The following DISP1 variants were observed in gnomAD, a reference collection of about 807,000 sequenced individuals.
DISP1 encodes protein dispatched homolog 1.
A neutral mutation model predicts 37.3 loss-of-function variants in DISP1; 30 were observed. The observed-to-expected ratio is 0.80, with a 90% CI of 0.60 to 1.09. The LOEUF (loss-of-function observed/expected upper bound fraction) is 1.09. Among genes scored for constraint, DISP1 ranks in the 50% least tolerant of loss-of-function variants. The probability of loss-of-function intolerance (pLI) is 0.00; values close to 1 mark genes in which losing one functional copy is unlikely to be tolerated. For synonymous variants in DISP1, 634 were observed against 690.2 expected, an observed-to-expected ratio of 0.92 and a Z score of 1.28; for missense variants, 1,598 against 1,879.5, an observed-to-expected ratio of 0.85 and a Z score of 2.77.
chr1:222,836,887 A>G, intron 1 of DISP1: 1 of 389,748 alleles, frequency 2.6e-6, no homozygotes, highest in Non-Finnish European at 4.5e-6. Context: ...GCCTTAGGTA[A>G]ATAACTCTGA....
At chr1:222,860,332 G>C (rs994688767) in intron 1 of DISP1, among the ~76,000 whole-genome samples, 1 of 152,138 alleles carries the variant, frequency 6.6e-6, no homozygotes, top group African/African-American at 2.4e-5. Flanking sequence ...GGGATTACAG[G>C]CATGAGCCAC....
At chr1:222,820,849 A>G (rs1160734845) in intron 1 of DISP1, among the ~76,000 whole-genome samples, 2 of 152,234 alleles carry the variant, frequency 1.3e-5, no homozygotes, top group African/African-American at 4.8e-5. Flanking sequence ...TTACTGTATC[A>G]TGCAGGCTGG....
chr1:222,884,630 A>G (rs1670473960), intron 1 of DISP1, among the ~76,000 whole-genome samples: 1 of 152,214 alleles, frequency 6.6e-6, no homozygotes, highest in Non-Finnish European at 1.5e-5. Context: ...GTCTTAATGC[A>G]TCATATCAGG....
intron 1 of DISP1, among the ~76,000 whole-genome samples, chr1:222,899,581 GA>G (rs956705255): frequency 1.4e-4 from 22 of 151,894 alleles, no homozygotes; most frequent in African/African-American, 5.3e-4. Flanking sequence ...AGAGCAAGAG[GA>G]AATTTTTTTT....
At chr1:222,903,166 C>T (rs79043913) in intron 1 of DISP1, among the ~76,000 whole-genome samples, 2,443 of 151,314 alleles carry the variant, frequency 0.016, 25 homozygotes, top group Non-Finnish European at 0.025. Context: ...ATGGATGAAA[C>T]TGGAAATCAT....
Position 222,942,999 on chromosome 1 carries a change from A to G in DISP1, c.176A>G (p.Asn59Ser). ...KVSPNGCLQLNGTVKSSFLPL... is the reference protein window; with the variant it reads ...KVSPNGCLQLSGTVKSSFLPL... Reference sequence around the variant, plus strand: ...AGTCCAAATGGATGCCTGCAACTTAATGGCACGGTCAAATCATCCTTTCTG... The same window carrying G: ...AGTCCAAATGGATGCCTGCAACTTAGTGGCACGGTCAAATCATCCTTTCTG... Residue 59 changes from asparagine to serine, a missense_variant, in exon 3 of 9, where the codon AAT becomes AGT. Physicochemically the swap from Asn to Ser is conservative, Grantham distance 46. Transcript: ENST00000675850. 6.2e-7 allele frequency: 1 copy of G among 1,614,188 alleles called. No homozygotes were observed. Among genetic ancestry groups the G allele is most frequent in the Non-Finnish European group, 8.5e-7 (1 of 1,180,036 alleles).
chr1:222,910,091 C>T (rs758854012), intron 1 of DISP1, among the ~76,000 whole-genome samples: 1 of 152,096 alleles, frequency 6.6e-6, no homozygotes, highest in Non-Finnish European at 1.5e-5. Context: ...GAGGCTGGCG[C>T]GGTGGCTCAC....
chr1:222,901,644 C>T (rs912034174), intron 1 of DISP1, among the ~76,000 whole-genome samples: 2 of 152,152 alleles, frequency 1.3e-5, no homozygotes, highest in Non-Finnish European at 2.9e-5. Context: ...TCTCCTGCCT[C>T]AGCCTTCTGA....
At chr1:222,954,703 G>T (rs1384700263) in intron 3 of DISP1, among the ~76,000 whole-genome samples, 1 of 152,056 alleles carries the variant, frequency 6.6e-6, no homozygotes, top group East Asian at 1.9e-4. Flanking sequence ...TAGGAGAGGG[G>T]AGGGGCTTTT....
chr1:222,914,445 G>T (rs968497571), intron 1 of DISP1, among the ~76,000 whole-genome samples: 4 of 152,080 alleles, frequency 2.6e-5, no homozygotes, highest in Non-Finnish European at 4.4e-5. Context: ...AAGATGATGT[G>T]TTACCAGGAC....
intron 5 of DISP1, 109 bp downstream of exon 5, chr1:222,990,857 C>G (rs1408682224): frequency 2.8e-6 from 4 of 1,413,822 alleles, no homozygotes; most frequent in Admixed American, 3.4e-5. Flanking sequence ...AAAACCTTCT[C>G]AAGCAACAAT....
At chr1:222,840,351 T>C (rs974760029) in intron 1 of DISP1, among the ~76,000 whole-genome samples, 1 of 151,814 alleles carries the variant, frequency 6.6e-6, no homozygotes, top group African/African-American at 2.4e-5. Flanking sequence ...AAGCAATTCT[T>C]GTGCCTTAGC....
intron 2 of DISP1, among the ~76,000 whole-genome samples, chr1:222,936,967 A>ATAT (rs1673950361): frequency 1.1e-5 from 1 of 88,968 alleles, no homozygotes; most frequent in Non-Finnish European, 2.2e-5. Context: ...TATTATTTAT[A>ATAT]AATAATATTT....
In DISP1 at chr1:222,915,338, G is replaced by A. The variant is rs116289561; in HGVS notation, c.-158-13092G>A. On this transcript the variant is annotated intron_variant, in intron 1 of 8. Transcript: ENST00000675850. ...ACTAACTCCCTGCAAAGCCAGCAGG[G>A]TGTAGATGTGTATTACCAAGGCATT... Among the ~76,000 whole-genome samples the A allele has an allele frequency of 6.2e-3, 947 of 152,346 alleles. 8 individuals are homozygous for A. The highest frequency in any genetic ancestry group is 0.022 in the African/African-American group (920 of 41,580).
At chr1:222,900,174 C>A (rs577142804) in intron 1 of DISP1, among the ~76,000 whole-genome samples, 78 of 152,234 alleles carry the variant, frequency 5.1e-4, no homozygotes, top group African/African-American at 1.8e-3. Flanking sequence ...TATAGTACAG[C>A]AGTTATGAAT....
At chr1:222,910,039 T>C (rs920088785) in intron 1 of DISP1, among the ~76,000 whole-genome samples, 1 of 152,156 alleles carries the variant, frequency 6.6e-6, no homozygotes, top group African/African-American at 2.4e-5. Context: ...GCTGGTTCTG[T>C]AATATCCCTA....
rs780178053 is a variant in DISP1, at chr1:223,003,233, T to C, written c.1836T>C (p.Ser612=). The C allele has an allele frequency of 5.0e-6, 8 of 1,614,208 alleles. No homozygotes were observed. The highest frequency in any genetic ancestry group is 1.7e-5 in the Admixed American group (1 of 60,032). ...CTGCCCTCTCCATGTTCGTCACCAG[T>C]TTTACCACTGCTGCTGCCTTTTATG... The part of the protein sequence containing the change: ...QHAALSMFVT[S]FTTAAAFYAN... The change falls in exon 9 of 9, where the codon AGT becomes AGC. Residue 612 remains serine (S), a synonymous_variant. Coordinates refer to ENST00000675850, the MANE Select transcript of DISP1 (RefSeq NM_001377229.1). The surrounding 1 kb of genome is among the most constrained non-coding windows in gnomAD (Gnocchi z 4.3).
Position 222,883,210 on chromosome 1 carries a change from A to G in DISP1, c.-158-45220A>G, listed in dbSNP as rs180868162. Among the ~76,000 whole-genome samples the G allele has an allele frequency of 7.2e-5, 11 of 152,350 alleles. No homozygotes were observed. In the East Asian group the frequency reaches 1.9e-3, roughly 27 times the overall value. On this transcript the variant is annotated intron_variant, in intron 1 of 8. Transcript: ENST00000675850. ...ACGCTTTAACACATTAATTCCAAGCATAAAAATTAATCCTAAAAAAAAATT... is the reference window on the plus strand; with the variant it reads ...ACGCTTTAACACATTAATTCCAAGCGTAAAAATTAATCCTAAAAAAAAATT...
rs754792947 is a variant in DISP1 at position 222,893,008 on chromosome 1, TATC to T, written c.-158-35418_-158-35416del. On this transcript the variant is annotated intron_variant, in intron 1 of 8. Coordinates refer to ENST00000675850, the MANE Select transcript of DISP1 (RefSeq NM_001377229.1). This position sits in a 1 kb window ranked among gnomAD's most constrained non-coding sequence, Gnocchi z 4.3. ...GCTTTTAAATATCAAATATTTGTGATATCATCTGTAAATTTTTAAATAATTTCT... is the reference window on the plus strand; with the variant it reads ...GCTTTTAAATATCAAATATTTGTGATATCTGTAAATTTTTAAATAATTTCT... Among the ~76,000 whole-genome samples the T allele has an allele frequency of 1.0e-3, 153 of 152,378 alleles. No homozygotes were observed. Among genetic ancestry groups the T allele is most frequent in the Non-Finnish European group, 1.5e-3 (102 of 68,036 alleles).
Sources: gnomAD v4.1 joint callset for allele counts (sites outside exome capture counted in the v4.1 genomes callset) on GRCh38, gnomAD v4.1.1 for gene constraint, Gnocchi (gnomAD v3.1) non-coding constraint, MANE v1.5 for transcripts, NCBI Gene and HGNC (gene_info 2026-07-23, HGNC 2026-07-21) for gene names.